CACNB4: variants seen among roughly 807,000 people sequenced by gnomAD.
The protein encoded by CACNB4 is voltage-dependent L-type calcium channel subunit beta-4.
A neutral mutation model predicts 71.2 loss-of-function variants in CACNB4; 32 were observed. That is an observed-to-expected ratio of 0.45 (90% confidence interval 0.34 to 0.60). The LOEUF is 0.60. Ranked by LOEUF, CACNB4 falls within the 20% of genes least tolerant of loss-of-function variation. The pLI is 0.01. For synonymous variants in CACNB4, 231 were observed against 236.9 expected (o/e 0.97, Z 0.23); for missense variants, 464 against 647.9 (o/e 0.72, Z 3.08).
chr2:151,892,947 C>T lies in CACNB4; in HGVS notation c.148-9577G>A, dbSNP rs186289692. On this transcript the variant is annotated intron_variant, in intron 2 of 13. Transcript: ENST00000539935. ...TCAATTTTAACTTGACAGAATGCTA[C>T]GCAAGTTGACTGAAAAAATTAAAAT... Among the ~76,000 whole-genome samples the T allele has an allele frequency of 3.1e-3, 468 of 152,010 alleles. 4 individuals are homozygous for T. Among genetic ancestry groups the T allele is most frequent in the Non-Finnish European group, 5.2e-3 (352 of 67,984 alleles).
At chr2:152,078,909 G>C (rs1468965001) in intron 2 of CACNB4, among the ~76,000 whole-genome samples, 1 of 152,090 alleles carries the variant, frequency 6.6e-6, no homozygotes, top group South Asian at 2.1e-4. Context: ...ATAGACCCAG[G>C]CAGAGTTTCA....
intron 2 of CACNB4, among the ~76,000 whole-genome samples, chr2:152,061,487 TTAAG>T (rs1314634393): frequency 3.9e-5 from 6 of 152,078 alleles, no homozygotes; most frequent in Non-Finnish European, 4.4e-5. Flanking sequence ...AAAAACAGCT[TTAAG>T]TAAGTAGGCT....
chr2:152,061,981 C>T (rs1321382684), intron 2 of CACNB4, among the ~76,000 whole-genome samples: 1 of 150,520 alleles, frequency 6.6e-6, no homozygotes, highest in Non-Finnish European at 1.5e-5. Context: ...CACTGTACTC[C>T]AGCCTGGGTG....
intron 2 of CACNB4, among the ~76,000 whole-genome samples, chr2:151,919,858 A>G (rs1370408080): frequency 6.6e-6 from 1 of 151,878 alleles, no homozygotes; most frequent in Non-Finnish European, 1.5e-5. Flanking sequence ...ACAAACAACA[A>G]CAACAACAAC....
intron 5 of CACNB4, 31 bp from the exon 6 acceptor site, chr2:151,872,524 C>T: frequency 1.5e-5 from 18 of 1,187,916 alleles, no homozygotes; most frequent in Non-Finnish European, 2.1e-5. Flanking sequence ...TAAAGACTCA[C>T]TCCCCAGATT....
intron 2 of CACNB4, among the ~76,000 whole-genome samples, chr2:152,024,651 G>A (rs1683865011): frequency 6.6e-6 from 1 of 152,192 alleles, no homozygotes; most frequent in African/African-American, 2.4e-5. Context: ...GGGATCCACA[G>A]CATCATTGTA....
At chr2:151,941,118 G>C (rs2099864120) in intron 2 of CACNB4, among the ~76,000 whole-genome samples, 1 of 152,038 alleles carries the variant, frequency 6.6e-6, no homozygotes, top group African/African-American at 2.4e-5. Flanking sequence ...AAGGATCTGG[G>C]TAATTAGTTA....
intron 2 of CACNB4, among the ~76,000 whole-genome samples, chr2:152,003,462 C>A (rs1364233027): frequency 6.6e-6 from 1 of 151,254 alleles, no homozygotes; most frequent in Non-Finnish European, 1.5e-5. Context: ...AAAAAAAAAT[C>A]TCTACAGCTG....
At chr2:152,025,994 C>T (rs1470034875) in intron 2 of CACNB4, among the ~76,000 whole-genome samples, 1 of 152,202 alleles carries the variant, frequency 6.6e-6, no homozygotes, top group African/African-American at 2.4e-5. Flanking sequence ...GAGAACAGGA[C>T]GTGCACAGGG....
At chr2:151,949,719 A>G (rs1218722497) in intron 2 of CACNB4, among the ~76,000 whole-genome samples, 1 of 152,168 alleles carries the variant, frequency 6.6e-6, no homozygotes, top group East Asian at 1.9e-4. Flanking sequence ...AGGGTTTCAT[A>G]TAGGTAAATA....
intron 2 of CACNB4, among the ~76,000 whole-genome samples, chr2:152,084,483 AGAAAAAATGG>A (rs1358303529): frequency 6.6e-6 from 1 of 152,240 alleles, no homozygotes; most frequent in Non-Finnish European, 1.5e-5. Flanking sequence ...TACTGGACTC[AGAAAAAATGG>A]GCAACAGGTT....
Position 151,946,094 on chromosome 2 carries a change from G to A in CACNB4, c.148-62724C>T, listed in dbSNP as rs540820843. On this transcript the variant is annotated intron_variant, in intron 2 of 13. Transcript: ENST00000539935. ...CTGTAATCCTAGCACTTTGGGAGGCGAAGGCTGGTAGATCACATGAGGTCA... is the reference window on the plus strand; with the variant it reads ...CTGTAATCCTAGCACTTTGGGAGGCAAAGGCTGGTAGATCACATGAGGTCA... Among the ~76,000 whole-genome samples, 5 of 152,040 alleles carry A rather than the reference G, an allele frequency of 3.3e-5. No individual in the cohort carries two copies. In the East Asian group the frequency reaches 5.8e-4, roughly 18 times the overall value.
chr2:152,051,872 T>G (rs1197983228), intron 2 of CACNB4, among the ~76,000 whole-genome samples: 1 of 152,242 alleles, frequency 6.6e-6, no homozygotes, highest in Non-Finnish European at 1.5e-5. Context: ...GTGCCTATAC[T>G]GGACTTTTCC....
In CACNB4 at chr2:151,884,945, T is replaced by A. The variant is rs2680980; in HGVS notation, c.148-1575A>T. On this transcript the variant is annotated intron_variant, in intron 2 of 13. Transcript: ENST00000539935. ...AGCTGAGAATCTGCTGTCCACTGAG[T>A]GGGGGAAAAAGCTTTAAGAAATAGT... is the stretch of plus-strand genomic sequence containing the variant. Among the ~76,000 whole-genome samples the A allele has an allele frequency of 2.1e-4, 32 of 152,296 alleles. No homozygotes were observed. In the South Asian group the frequency reaches 3.3e-3, roughly 16 times the overall value.
intron 5 of CACNB4, among the ~76,000 whole-genome samples, chr2:151,875,871 CG>C (rs1336861463): frequency 7.7e-5 from 11 of 142,628 alleles, no homozygotes; most frequent in African/African-American, 2.8e-4. Context: ...CCCTCCCGGA[CG>C]GGGCGGCTGG....
chr2:152,057,829 C>G (rs1024839932), intron 2 of CACNB4, among the ~76,000 whole-genome samples: 3 of 151,928 alleles, frequency 2.0e-5, no homozygotes, highest in Non-Finnish European at 4.4e-5. Flanking sequence ...GGGAAGGAAA[C>G]TTTTATTTTT....
At chr2:152,089,427 A>C (rs1171408181) in intron 2 of CACNB4, among the ~76,000 whole-genome samples, 1 of 152,192 alleles carries the variant, frequency 6.6e-6, no homozygotes, top group Non-Finnish European at 1.5e-5. Flanking sequence ...ATTGTGCAAC[A>C]CACCGGATTC....
chr2:151,841,046 A>C (rs1255549887), intron 13 of CACNB4, among the ~76,000 whole-genome samples: 1 of 152,206 alleles, frequency 6.6e-6, no homozygotes, highest in Non-Finnish European at 1.5e-5. Context: ...CCTAAAGGAC[A>C]CGTGCCACAG....
intron 8 of CACNB4, chr2:151,869,887 C>A: frequency 3.0e-6 from 1 of 328,126 alleles, no homozygotes; most frequent in Non-Finnish European, 5.6e-6. Context: ...GCCCTGGAGG[C>A]TGCTCACCTT....
Sources: gnomAD v4.1 joint callset for allele counts (sites outside exome capture counted in the v4.1 genomes callset) on GRCh38, gnomAD v4.1.1 for gene constraint, MANE v1.5 for transcripts, NCBI Gene and HGNC (gene_info 2026-07-23, HGNC 2026-07-21) for gene names.